Variants in EXOC6B observed in about 807,000 individuals in gnomAD.
EXOC6B encodes the protein exocyst complex component 6B.
Under a neutral mutation model 113.5 loss-of-function variants are expected in EXOC6B, and 54 were observed. The observed-to-expected ratio is 0.48, with a 90% CI of 0.38 to 0.60. The LOEUF is 0.60. EXOC6B is among the 20% of genes least tolerant of loss of function. EXOC6B has a pLI of 0.00. For synonymous variants in EXOC6B, 357 were observed against 339.0 expected, an observed-to-expected ratio of 1.05 and a Z score of -0.58; for missense variants, 797 against 977.5, an observed-to-expected ratio of 0.82 and a Z score of 2.46.
At chr2:72,789,935 C>A (rs1684582892) in intron 1 of EXOC6B, among the ~76,000 whole-genome samples, 1 of 152,170 alleles carries the variant, frequency 6.6e-6, no homozygotes, top group Non-Finnish European at 1.5e-5. Flanking sequence ...ACTGTCTACA[C>A]CATCTAATTC....
chr2:72,308,368 T>C (rs193193763), intron 20 of EXOC6B, among the ~76,000 whole-genome samples: 6 of 152,100 alleles, frequency 3.9e-5, no homozygotes, highest in Admixed American at 3.9e-4. Context: ...TGTAGACATA[T>C]TGAAAACCTA....
chr2:72,731,123 C>A (rs1482155576), intron 4 of EXOC6B, 32 bp downstream of exon 4: 1 of 1,590,732 alleles, frequency 6.3e-7, no homozygotes, highest in African/African-American at 1.3e-5. Flanking sequence ...AAAAATTACA[C>A]CAAGAATCCT....
At chr2:72,728,180 G>A (rs1680416975) in intron 5 of EXOC6B, among the ~76,000 whole-genome samples, 1 of 152,104 alleles carries the variant, frequency 6.6e-6, no homozygotes, top group African/African-American at 2.4e-5. Flanking sequence ...CAAAGACAAT[G>A]TAAACCCTTT....
chr2:72,506,401 T>C (rs1167867912), intron 11 of EXOC6B, among the ~76,000 whole-genome samples: 1 of 152,102 alleles, frequency 6.6e-6, no homozygotes, highest in East Asian at 1.9e-4. Context: ...GGCAGCAGAT[T>C]AGACTCTCCA....
At chr2:72,667,630 T>G (rs1460821751) in intron 6 of EXOC6B, among the ~76,000 whole-genome samples, 1 of 152,138 alleles carries the variant, frequency 6.6e-6, no homozygotes, top group Non-Finnish European at 1.5e-5. Context: ...GGGAAAAGAC[T>G]CCCTGTTCAA....
chr2:72,519,869 A>C (rs981538824), intron 8 of EXOC6B, among the ~76,000 whole-genome samples: 2 of 152,182 alleles, frequency 1.3e-5, no homozygotes, highest in African/African-American at 4.8e-5. Context: ...CCCTTAGAGA[A>C]AGGGCTCTAA....
At chr2:72,262,650 T>A (rs1429118352) in intron 20 of EXOC6B, among the ~76,000 whole-genome samples, 1 of 152,160 alleles carries the variant, frequency 6.6e-6, no homozygotes, top group African/African-American at 2.4e-5. Flanking sequence ...GCAACGTATA[T>A]TACGTCTGGG....
chr2:72,531,673 T>C (rs1488236695), intron 8 of EXOC6B, among the ~76,000 whole-genome samples: 1 of 152,120 alleles, frequency 6.6e-6, no homozygotes, highest in Non-Finnish European at 1.5e-5. Context: ...TCTAGGTCCA[T>C]TTAAAAGACT....
At chr2:72,422,346 C>T (rs1212383474) in intron 18 of EXOC6B, among the ~76,000 whole-genome samples, 3 of 152,234 alleles carry the variant, frequency 2.0e-5, no homozygotes, top group Admixed American at 2.0e-4. Flanking sequence ...ATTGTAAACA[C>T]CCCAATCAGC....
rs558085464 is a variant in EXOC6B at position 72,274,090 on chromosome 2, A to G, written c.2196+60857T>C. Among the ~76,000 whole-genome samples, 124 of 152,310 alleles carry G rather than the reference A, an allele frequency of 8.1e-4. 1 individual carries two copies. Among genetic ancestry groups the G allele is most frequent in the African/African-American group, 2.7e-3 (112 of 41,574 alleles). ...AGGTACTGAGAAACAAATTAATCCC[A>G]GAGTATAGAAATAGAACAAATAAAC... On this transcript the variant is annotated intron_variant, in intron 20 of 21. Transcript: ENST00000272427.
chr2:72,381,279 G>A (rs771438344), intron 18 of EXOC6B, among the ~76,000 whole-genome samples: 1 of 152,090 alleles, frequency 6.6e-6, no homozygotes, highest in Non-Finnish European at 1.5e-5. Flanking sequence ...GTATCTAGTT[G>A]TAGTTTATTC....
rs140973903 is a variant in EXOC6B, at chr2:72,687,574, G to A, written c.669+30529C>T. On this transcript the variant is annotated intron_variant, in intron 6 of 21. Coordinates refer to ENST00000272427, the MANE Select transcript of EXOC6B (RefSeq NM_015189.3). ...TAGTCCAGTGTGGTAAGGAAACAAC[G>A]TTAAGTAGGGAAGAAATCCAAAAGG... 4.7e-4 allele frequency among the ~76,000 whole-genome samples: 71 copies of A among 152,098 alleles called. 2 individuals are homozygous for A. Among genetic ancestry groups the A allele is most frequent in the Middle Eastern group, 3.4e-3 (1 of 294 alleles).
rs561437288 is a variant in EXOC6B at position 72,522,490 on chromosome 2, A to T, written c.916-7364T>A. 1.8e-4 allele frequency among the ~76,000 whole-genome samples: 28 copies of T among 152,312 alleles called. No homozygotes were observed. The South Asian group carries it at 5.8e-3, about 32-fold the overall frequency. On this transcript the variant is annotated intron_variant, in intron 8 of 21. Transcript: ENST00000272427. ...TATCTTTTTAAGTCATTTATTACAA[A>T]AGTAAAATATGTGACTTGTAGAAAA...
In EXOC6B at chr2:72,792,601, T is replaced by C. The variant is rs1684736264; in HGVS notation, c.113+33197A>G. Among the ~76,000 whole-genome samples, 4 of 152,214 alleles carry C rather than the reference T, an allele frequency of 2.6e-5. No individual in the cohort carries two copies. In the South Asian group the frequency reaches 8.3e-4, roughly 32 times the overall value. ...AAAATAGTACACTTAGTGTTTACTATGAGCCAGTCACTGAGCTAAGTATTT... is the reference window on the plus strand; with the variant it reads ...AAAATAGTACACTTAGTGTTTACTACGAGCCAGTCACTGAGCTAAGTATTT... On this transcript the variant is annotated intron_variant, in intron 1 of 21. Coordinates refer to ENST00000272427, the MANE Select transcript of EXOC6B (RefSeq NM_015189.3).
At chr2:72,505,476 C>T (rs577801858) in intron 11 of EXOC6B, among the ~76,000 whole-genome samples, 1 of 152,038 alleles carries the variant, frequency 6.6e-6, no homozygotes, top group African/African-American at 2.4e-5. Context: ...TCTTGATATC[C>T]AAATACATTA....
intron 20 of EXOC6B, among the ~76,000 whole-genome samples, chr2:72,294,603 T>G (rs906104489): frequency 3.3e-5 from 5 of 152,208 alleles, no homozygotes; most frequent in African/African-American, 1.2e-4. Context: ...GGACACAATC[T>G]ATTTACATTT....
intron 1 of EXOC6B, among the ~76,000 whole-genome samples, chr2:72,805,902 C>T (rs1175833236): frequency 6.6e-6 from 1 of 152,186 alleles, no homozygotes; most frequent in East Asian, 1.9e-4. Context: ...CTGTGCCTGG[C>T]TTCTTTCACT....
chr2:72,484,434 G>T (rs1452861150), intron 16 of EXOC6B, among the ~76,000 whole-genome samples: 12 of 151,732 alleles, frequency 7.9e-5, no homozygotes, highest in African/African-American at 2.9e-4. Flanking sequence ...GGGCATGGTG[G>T]AGGGCGCCTG....
At chr2:72,350,907 TA>T (rs1230984854) in intron 19 of EXOC6B, among the ~76,000 whole-genome samples, 1 of 152,198 alleles carries the variant, frequency 6.6e-6, no homozygotes, top group Admixed American at 6.5e-5. Context: ...TTTCAAGTAT[TA>T]AAAGCAGCCC....
Sources: gnomAD v4.1 joint callset for allele counts (sites outside exome capture counted in the v4.1 genomes callset) on GRCh38, gnomAD v4.1.1 for gene constraint, MANE v1.5 for transcripts, NCBI Gene and HGNC (gene_info 2026-07-23, HGNC 2026-07-21) for gene names.